The following CFI variants were observed in gnomAD, a reference collection of about 807,000 sequenced individuals.
CFI encodes C3B/C4B inactivator.
Under a neutral mutation model 78.8 loss-of-function variants are expected in CFI, and 66 were observed. The observed-to-expected ratio is 0.84, with a 90% CI of 0.69 to 1.03. The LOEUF is 1.03. Ranked by LOEUF, CFI falls within the 50% of genes least tolerant of loss-of-function variation. CFI has a pLI of 0.00. For missense variants in CFI, 706 were observed against 704.5 expected, an observed-to-expected ratio of 1.00 and a Z score of -0.02; for synonymous variants, 250 against 232.6, an observed-to-expected ratio of 1.07 and a Z score of -0.68.
At chr4:109,778,689 C>T (rs1400969570) in intron 1 of CFI, among the ~76,000 whole-genome samples, 1 of 151,984 alleles carries the variant, frequency 6.6e-6, no homozygotes, top group African/African-American at 2.4e-5. Context: ...AAAAAAGAAT[C>T]TTAGACCAAT....
intron 11 of CFI, among the ~76,000 whole-genome samples, chr4:109,744,167 T>A (rs553487924): frequency 6.6e-6 from 1 of 152,330 alleles, no homozygotes; most frequent in Admixed American, 6.5e-5. Flanking sequence ...GTTTGGATCT[T>A]GATTCAAATA....
chr4:109,741,093 T>C lies in CFI; in HGVS notation c.1552A>G (p.Ile518Val). 1 of 1,614,158 alleles carries C rather than the reference T, an allele frequency of 6.2e-7. No individual in the cohort carries two copies. Among genetic ancestry groups the C allele is most frequent in the East Asian group, 2.2e-5 (1 of 44,880 alleles). The change falls in exon 13 of 13, where the codon ATC becomes GTC. Residue 518 changes from isoleucine to valine, a missense_variant. Transcript: ENST00000394634. ...CCAGAGTCCCCTTTACAGGCATCGA[T>C]GGAACCATCATATGTACCTAAGAAA... ...MECAGTYDGS[I>V]DACKGDSGGP...
At position 109,740,857 on chromosome 4, in the gene CFI, G is replaced by T; in HGVS notation, c.*36C>A. ...TATTTCCATTAAATGGAACTCTTGA[G>T]AGAAAAAGAATAGAATGAAGAGAGA... On this transcript the variant is annotated 3_prime_UTR_variant, in exon 13 of 13. Coordinates refer to ENST00000394634, the MANE Select transcript of CFI (RefSeq NM_000204.5). 6.4e-7 allele frequency: 1 copy of T among 1,558,666 alleles called. No individual in the cohort carries two copies. Among genetic ancestry groups the T allele is most frequent in the Non-Finnish European group, 8.8e-7 (1 of 1,130,006 alleles).
intron 12 of CFI, among the ~76,000 whole-genome samples, chr4:109,741,628 C>T (rs1284237868): frequency 6.6e-6 from 1 of 152,216 alleles, no homozygotes; most frequent in Non-Finnish European, 1.5e-5. Flanking sequence ...AGAGCTTGTC[C>T]TCTTGACCAT....
At chr4:109,795,904 G>A (rs900300401) in intron 1 of CFI, among the ~76,000 whole-genome samples, 3 of 152,102 alleles carry the variant, frequency 2.0e-5, no homozygotes, top group Non-Finnish European at 4.4e-5. Flanking sequence ...TACAGAAGGA[G>A]AAGAGAAAGG....
intron 7 of CFI, among the ~76,000 whole-genome samples, chr4:109,756,913 G>GAAAGAAAGAAA (rs1726289283): frequency 2.6e-4 from 27 of 102,028 alleles, no homozygotes; most frequent in African/African-American, 9.6e-4. Flanking sequence ...AAGAAAGAAA[G>GAAAGAAAGAAA]AAAGAAAGAA....
At chr4:109,768,334 T>TAAAAAAAAAAAAAAAA (rs756365540) in intron 1 of CFI, among the ~76,000 whole-genome samples, 2 of 63,180 alleles carry the variant, frequency 3.2e-5, no homozygotes, top group East Asian at 5.3e-4. Context: ...GAAGAAATCC[T>TAAAAAAAAAAAAAAAA]AAAAAAAAAA....
chr4:109,758,085 G>A (rs1726552859), intron 6 of CFI: 1 of 619,738 alleles, frequency 1.6e-6, no homozygotes. Context: ...AAATGCAAAG[G>A]CAGAGCTCAT....
chr4:109,792,915 C>T (rs1052134532), intron 1 of CFI, among the ~76,000 whole-genome samples: 6 of 152,132 alleles, frequency 3.9e-5, no homozygotes, highest in Admixed American at 3.9e-4. Context: ...ACTGATTCTG[C>T]CAATCTCTGC....
chr4:109,762,293 T>C (rs1016123072), intron 3 of CFI: 2 of 152,696 alleles, frequency 1.3e-5, no homozygotes, highest in African/African-American at 4.8e-5. Flanking sequence ...GCCTAAGACT[T>C]GGAAGGTTAG....
chr4:109,745,747 C>T (rs981506098), intron 11 of CFI, among the ~76,000 whole-genome samples: 4 of 152,028 alleles, frequency 2.6e-5, no homozygotes, highest in African/African-American at 9.7e-5. Flanking sequence ...CCAAGGCTAT[C>T]CCTTTGTAAA....
In CFI at chr4:109,801,946, A is replaced by G; in HGVS notation, c.26T>C (p.Leu9Ser). 1 of 1,612,794 alleles carries G rather than the reference A, an allele frequency of 6.2e-7. No homozygotes were observed. Among genetic ancestry groups the G allele is most frequent in the Non-Finnish European group, 8.5e-7 (1 of 1,179,034 alleles). Residue 9 changes from leucine (L) to serine (S), a missense_variant, in exon 1 of 13, where the codon TTA (leucine) becomes TCA (serine). Coordinates refer to ENST00000394634, the MANE Select transcript of CFI (RefSeq NM_000204.5). The stretch of plus-strand genomic sequence containing the variant: ...AAACCTTAAGTGGAAGCACAGAAAT[A>G]ACAGGAAAACATGAAGAAGCTTCAT... MKLLHVFL[L>S]FLCFHLRFCK...
rs1373471002 is a variant in CFI at position 109,766,549 on chromosome 4, G to A, written c.328+5C>T. The A allele has an allele frequency of 1.2e-6, 2 of 1,614,026 alleles. No individual in the cohort carries two copies. The highest frequency in any genetic ancestry group is 1.3e-5 in the African/African-American group (1 of 75,032). ...AGAATGACTTGAAAACTAGTCTCTTGCTACCTTCGGCTGTGCATGTTCCGT... is the reference window on the plus strand; with the variant it reads ...AGAATGACTTGAAAACTAGTCTCTTACTACCTTCGGCTGTGCATGTTCCGT... On this transcript the variant is annotated splice_donor_5th_base_variant and intron_variant, in intron 2 of 12. Transcript: ENST00000394634.
chr4:109,761,368 A>G (rs1727033564), intron 4 of CFI, 149 bp downstream of exon 4: 1 of 790,160 alleles, frequency 1.3e-6, no homozygotes, highest in African/African-American at 1.7e-5. Context: ...AAAGGTACCA[A>G]TTTAGACTCT....
At position 109,745,307 on chromosome 4, in the gene CFI, C is replaced by A. The variant is rs142014906; in HGVS notation, c.1429+915G>T. ...AAGTGATCCTCCCACTTCAGCCCCC[C>A]TCAACCTCCAGGAGCTGGGACTACA... On this transcript the variant is annotated intron_variant, in intron 11 of 12. Transcript: ENST00000394634. Among the ~76,000 whole-genome samples, 475 of 152,214 alleles carry A rather than the reference C, an allele frequency of 3.1e-3. 2 individuals are homozygous for A. Among genetic ancestry groups the A allele is most frequent in the African/African-American group, 0.011 (437 of 41,540 alleles).
At chr4:109,797,793 G>A (rs1469282313) in intron 1 of CFI, among the ~76,000 whole-genome samples, 1 of 152,104 alleles carries the variant, frequency 6.6e-6, no homozygotes, top group East Asian at 1.9e-4. Context: ...TATGTAAATG[G>A]TCAATAGGTA....
At chr4:109,735,657 G>C in the CFI span, among the ~76,000 whole-genome samples, 6 of 152,348 alleles carry the variant, frequency 3.9e-5, no homozygotes, top group South Asian at 1.2e-3. Flanking sequence ...AAAGCCACAT[G>C]GTGAAGCAAT....
intron 1 of CFI, among the ~76,000 whole-genome samples, chr4:109,789,004 C>A (rs547790799): frequency 6.6e-6 from 1 of 151,572 alleles, no homozygotes; most frequent in South Asian, 2.1e-4. Flanking sequence ...TCCACATGTT[C>A]AAAAATAAAG....
At chr4:109,790,514 T>C (rs2125862643) in intron 1 of CFI, among the ~76,000 whole-genome samples, 6 of 152,206 alleles carry the variant, frequency 3.9e-5, no homozygotes, top group Admixed American at 3.9e-4. Context: ...GGGGGTTTGT[T>C]GTACAGATTA....
Sources: gnomAD v4.1 joint callset for allele counts (sites outside exome capture counted in the v4.1 genomes callset) on GRCh38, gnomAD v4.1.1 for gene constraint, MANE v1.5 for transcripts, NCBI Gene and HGNC (gene_info 2026-07-23, HGNC 2026-07-21) for gene names.